Variants in RHOBTB1 observed in about 807,000 individuals in gnomAD.
RHOBTB1 encodes the protein rho-related BTB domain-containing protein 1.
A neutral mutation model predicts 71.6 loss-of-function variants in RHOBTB1; 40 were observed. The ratio of observed to expected loss-of-function variants is 0.56; its 90% CI spans 0.43 to 0.73. The LOEUF is 0.73. RHOBTB1 is among the 30% of genes least tolerant of loss of function. RHOBTB1 has a pLI of 0.00. For missense variants in RHOBTB1, 797 were observed against 894.0 expected, an observed-to-expected ratio of 0.89 and a Z score of 1.38; for synonymous variants, 319 against 334.9, an observed-to-expected ratio of 0.95 and a Z score of 0.52.
chr10:60,887,842 G>A (rs1290435236), intron 6 of RHOBTB1, among the ~76,000 whole-genome samples: 1 of 152,160 alleles, frequency 6.6e-6, no homozygotes, highest in Non-Finnish European at 1.5e-5. Flanking sequence ...ACTGGAGATA[G>A]GCTTGGGGTC....
chr10:60,986,404 G>GATATAGAT (rs1554860007), intron 1 of RHOBTB1, among the ~76,000 whole-genome samples: 6 of 67,636 alleles, frequency 8.9e-5, no homozygotes, highest in Non-Finnish European at 2.1e-4. Context: ...ATAAATAAAA[G>GATATAGAT]ATATATATAT....
At chr10:60,938,277 T>C (rs2084706255) in intron 2 of RHOBTB1, among the ~76,000 whole-genome samples, 1 of 152,234 alleles carries the variant, frequency 6.6e-6, no homozygotes, top group Non-Finnish European at 1.5e-5. Context: ...TACTTGCTAG[T>C]TGTATTTCAG....
the RHOBTB1 span, among the ~76,000 whole-genome samples, chr10:60,864,144 C>A: frequency 6.6e-6 from 1 of 152,158 alleles, no homozygotes; most frequent in South Asian, 2.1e-4. Flanking sequence ...TTTCCAGTCG[C>A]CCCCTTCCTT....
At chr10:60,888,164 T>G (rs755944662) in intron 6 of RHOBTB1, 48 bp downstream of exon 6, 1 of 1,563,320 alleles carries the variant, frequency 6.4e-7, no homozygotes, top group Non-Finnish European at 8.7e-7. Flanking sequence ...TAACGTTCAA[T>G]GAAACACAAT....
chr10:60,910,011 T>C (rs185686232), intron 4 of RHOBTB1, among the ~76,000 whole-genome samples: 40 of 152,200 alleles, frequency 2.6e-4, no homozygotes, highest in African/African-American at 8.7e-4. Flanking sequence ...TACCAAGGAG[T>C]AATTCACGTG....
In RHOBTB1 at chr10:60,929,687, A is replaced by G. The variant is rs560921160; in HGVS notation, c.-11+12117T>C. ...AAAAGGCCAATTCATAATAGAAGTA[A>G]CATGAACCTTCATAGACCAAAAAGC... On this transcript the variant is annotated intron_variant, in intron 2 of 10. Transcript: ENST00000337910. Among the ~76,000 whole-genome samples the G allele has an allele frequency of 3.9e-5, 6 of 152,316 alleles. No individual in the cohort carries two copies. In the East Asian group the frequency reaches 1.2e-3, roughly 29 times the overall value.
At chr10:60,937,741 A>T (rs1214113608) in intron 2 of RHOBTB1, among the ~76,000 whole-genome samples, 1 of 152,226 alleles carries the variant, frequency 6.6e-6, no homozygotes. Flanking sequence ...TCAAGAAAAA[A>T]AGGTTCCTAT....
At chr10:60,868,577 G>A (rs540442726), downstream of RHOBTB1, among the ~76,000 whole-genome samples, 10 of 152,274 alleles carry the variant, frequency 6.6e-5, no homozygotes, top group African/African-American at 2.2e-4. Flanking sequence ...AGAAACATTG[G>A]ACTTTTGCTT....
intron 2 of RHOBTB1, among the ~76,000 whole-genome samples, chr10:60,971,687 G>C (rs2086164160): frequency 6.6e-6 from 1 of 152,052 alleles, no homozygotes; most frequent in African/African-American, 2.4e-5. Flanking sequence ...AAGCCAAATT[G>C]ACAAAAGGGA....
intron 9 of RHOBTB1, among the ~76,000 whole-genome samples, chr10:60,873,990 A>G (rs545704417): frequency 1.3e-5 from 2 of 152,314 alleles, no homozygotes; most frequent in East Asian, 3.9e-4. Flanking sequence ...CCCCTTTTGC[A>G]CCAGAGCAAT....
downstream of RHOBTB1, among the ~76,000 whole-genome samples, chr10:60,866,321 A>G (rs1412727976): frequency 6.6e-6 from 1 of 152,218 alleles, no homozygotes; most frequent in Non-Finnish European, 1.5e-5. Context: ...AAATGGCTGG[A>G]TTTCCAGAAC....
At chr10:60,880,923 T>C (rs2081299263) in intron 7 of RHOBTB1, among the ~76,000 whole-genome samples, 1 of 152,238 alleles carries the variant, frequency 6.6e-6, no homozygotes. Context: ...ACATGTAACA[T>C]TTCATTTCTT....
At chr10:60,930,999 T>C (rs1369840777) in intron 2 of RHOBTB1, among the ~76,000 whole-genome samples, 4 of 138,756 alleles carry the variant, frequency 2.9e-5, no homozygotes, top group Admixed American at 7.0e-5. Flanking sequence ...GGAAGCAATA[T>C]TGAAGTCTTC....
At chr10:60,982,628 A>C (rs1198597817) in intron 2 of RHOBTB1, among the ~76,000 whole-genome samples, 1 of 152,156 alleles carries the variant, frequency 6.6e-6, no homozygotes, top group Non-Finnish European at 1.5e-5. Flanking sequence ...TCCAGTCATT[A>C]CCAAATGCCT....
chr10:60,985,916 C>T (rs2086645312), exon 2 of RHOBTB1: 1 of 152,152 alleles, frequency 6.6e-6, no homozygotes, highest in Admixed American at 6.5e-5. Context: ...GAAGAGGCCT[C>T]TTTCATGTGC....
At chr10:60,889,921 C>G (rs1162878354) in intron 5 of RHOBTB1, among the ~76,000 whole-genome samples, 1 of 152,164 alleles carries the variant, frequency 6.6e-6, no homozygotes. Context: ...CTCTTCATCA[C>G]CTTCACCTTT....
chr10:60,925,092 C>G (rs1246374462), intron 2 of RHOBTB1, among the ~76,000 whole-genome samples: 2 of 152,156 alleles, frequency 1.3e-5, no homozygotes, highest in Non-Finnish European at 2.9e-5. Flanking sequence ...TTCCCTACCC[C>G]ATGCTCTCTC....
At chr10:60,917,731 G>T (rs570167136) in intron 2 of RHOBTB1, among the ~76,000 whole-genome samples, 1 of 151,950 alleles carries the variant, frequency 6.6e-6, no homozygotes, top group Non-Finnish European at 1.5e-5. Context: ...TATGAATTGG[G>T]GGAGGGGGCA....
chr10:60,871,668 G>C lies in RHOBTB1; in HGVS notation c.1922-17C>G. The C allele has an allele frequency of 6.2e-7, 1 of 1,611,704 alleles. No homozygotes were observed. The highest frequency in any genetic ancestry group is 1.1e-5 in the South Asian group (1 of 90,764). ...CCTGGTTGTCTGGTGAAGGAAAGAT[G>C]CAGACCATAAGACCTGCGGTTCATT... On this transcript the variant is annotated splice_polypyrimidine_tract_variant and intron_variant, in intron 10 of 10. Coordinates refer to ENST00000337910, the MANE Select transcript of RHOBTB1 (RefSeq NM_014836.5).
Sources: allele counts gnomAD v4.1 joint callset (sites outside exome capture counted in the v4.1 genomes callset), GRCh38; gene constraint gnomAD v4.1.1; transcripts MANE v1.5; gene names NCBI Gene and HGNC (gene_info 2026-07-23, HGNC 2026-07-21).